Variants in FMN1 observed in about 807,000 individuals in gnomAD.
FMN1 encodes the protein formin-1.
Under a neutral mutation model 132.4 loss-of-function variants are expected in FMN1, and 110 were observed. The observed-to-expected ratio is 0.83, with a 90% CI of 0.71 to 0.97. The LOEUF (loss-of-function observed/expected upper bound fraction) is 0.97. Among genes scored for constraint, FMN1 ranks in the 50% least tolerant of loss-of-function variants. The probability of loss-of-function intolerance (pLI) is 0.00; values close to 1 mark genes in which losing one functional copy is unlikely to be tolerated. For missense variants in FMN1, 1,792 were observed against 1,705.3 expected, an observed-to-expected ratio of 1.05 and a Z score of -0.90; for synonymous variants, 722 against 651.7, an observed-to-expected ratio of 1.11 and a Z score of -1.64.
chr15:33,060,032 T>C (rs2037413850), intron 6 of FMN1, among the ~76,000 whole-genome samples: 1 of 152,224 alleles, frequency 6.6e-6, no homozygotes, highest in Non-Finnish European at 1.5e-5. Context: ...ACCTCTAGTT[T>C]CCCAGTAAAC....
intron 6 of FMN1, chr15:33,012,224 A>G (rs1008849848): frequency 3.0e-6 from 2 of 665,048 alleles, no homozygotes; most frequent in African/African-American, 3.6e-5. Flanking sequence ...AATCATTTTG[A>G]GCAATGGGGA....
intron 4 of FMN1, among the ~76,000 whole-genome samples, chr15:33,097,345 G>T (rs530388581): frequency 1.3e-5 from 2 of 150,036 alleles, no homozygotes; most frequent in Non-Finnish European, 3.0e-5. Flanking sequence ...GGGCTAAAAG[G>T]AGCAGAAAAA....
intron 6 of FMN1, among the ~76,000 whole-genome samples, chr15:33,014,540 A>G (rs2034926365): frequency 6.6e-6 from 1 of 152,228 alleles, no homozygotes; most frequent in Non-Finnish European, 1.5e-5. Flanking sequence ...CTATTCCACA[A>G]GAAACAAGTC....
At chr15:32,859,545 T>C (rs80070525) in intron 16 of FMN1, among the ~76,000 whole-genome samples, 2,267 of 152,340 alleles carry the variant, frequency 0.015, 46 homozygotes, top group East Asian at 0.064. Context: ...GATGCCAACA[T>C]TGCCACAAAG....
intron 16 of FMN1, among the ~76,000 whole-genome samples, chr15:32,867,566 T>C (rs1473503095): frequency 6.6e-6 from 1 of 150,654 alleles, no homozygotes; most frequent in African/African-American, 2.5e-5. Context: ...TGCAGTCGTG[T>C]GATCTCCTCG....
intron 4 of FMN1, among the ~76,000 whole-genome samples, chr15:33,095,851 G>A (rs2039064733): frequency 6.6e-6 from 1 of 152,046 alleles, no homozygotes; most frequent in African/African-American, 2.4e-5. Context: ...TGTCTTAATA[G>A]CTAAGGAAGT....
chr15:33,027,513 A>C (rs1310972694), intron 6 of FMN1, among the ~76,000 whole-genome samples: 2 of 152,208 alleles, frequency 1.3e-5, no homozygotes, highest in African/African-American at 4.8e-5. Context: ...CACAGGTGGA[A>C]ACAGAGCCAA....
intron 9 of FMN1, among the ~76,000 whole-genome samples, chr15:32,950,062 T>TATATACACATATATATATATACAC: frequency 1.3e-5 from 1 of 79,688 alleles, no homozygotes; most frequent in Admixed American, 1.5e-4. Flanking sequence ...CACATATATA[T>TATATACACATATATATATATACAC]ATATATATAT....
At position 32,878,658 on chromosome 15, in the gene FMN1, T is replaced by C. The variant is rs75267526; in HGVS notation, c.3835+9514A>G. On this transcript the variant is annotated intron_variant, in intron 16 of 20. Transcript: ENST00000616417. ...CCAGTAAATCCTCTTAAACAATCAG[T>C]GGAGCAGGTAGCCTTACACTCATTT... Among the ~76,000 whole-genome samples, 10 of 152,258 alleles carry C rather than the reference T, an allele frequency of 6.6e-5. 1 individual carries two copies. In the East Asian group the frequency reaches 9.6e-4, roughly 15 times the overall value.
chr15:33,059,600 A>G (rs2037390716), intron 6 of FMN1, among the ~76,000 whole-genome samples: 1 of 152,192 alleles, frequency 6.6e-6, no homozygotes. Context: ...TTAATCCATC[A>G]CTCTTCAATT....
chr15:33,068,934 T>C (rs1412926449), intron 5 of FMN1, among the ~76,000 whole-genome samples: 3 of 152,198 alleles, frequency 2.0e-5, no homozygotes, highest in African/African-American at 4.8e-5. Flanking sequence ...CTGGCTGCCT[T>C]AGAAATCCTG....
At chr15:32,846,070 C>G (rs1424568604) in intron 17 of FMN1, among the ~76,000 whole-genome samples, 1 of 152,146 alleles carries the variant, frequency 6.6e-6, no homozygotes, top group East Asian at 1.9e-4. Context: ...GCACAAAGCT[C>G]TCTCACTACA....
At chr15:33,155,127 A>G (rs906906605) in intron 3 of FMN1, 82 bp from the exon 4 acceptor site, 1 of 507,242 alleles carries the variant, frequency 2.0e-6, no homozygotes, top group Non-Finnish European at 3.5e-6. Context: ...AAGCATAACC[A>G]TGACTTATCC....
intron 15 of FMN1, among the ~76,000 whole-genome samples, chr15:32,897,923 A>C (rs2060198955): frequency 6.6e-6 from 1 of 152,224 alleles, no homozygotes; most frequent in East Asian, 1.9e-4. Flanking sequence ...TCATGCCTTA[A>C]TAGCCAAAAA....
At chr15:32,902,964 C>T (rs906832312) in intron 12 of FMN1, among the ~76,000 whole-genome samples, 2 of 152,192 alleles carry the variant, frequency 1.3e-5, no homozygotes, top group African/African-American at 4.8e-5. Context: ...CAACTCATAA[C>T]GTCATTACCA....
intron 5 of FMN1, chr15:33,067,940 T>C (rs2037824810): frequency 6.5e-7 from 1 of 1,544,582 alleles, no homozygotes; most frequent in Non-Finnish European, 8.7e-7. Flanking sequence ...TCCTGCGCTC[T>C]CAGTTTATCC....
At chr15:33,092,862 A>C (rs1279710985) in intron 4 of FMN1, among the ~76,000 whole-genome samples, 1 of 152,220 alleles carries the variant, frequency 6.6e-6, no homozygotes, top group African/African-American at 2.4e-5. Flanking sequence ...TGTACTGAAA[A>C]AAATTATTCA....
intron 6 of FMN1, among the ~76,000 whole-genome samples, chr15:33,034,244 G>T (rs1465568346): frequency 6.6e-6 from 1 of 151,998 alleles, no homozygotes; most frequent in Admixed American, 6.6e-5. Flanking sequence ...CCCTAAACAT[G>T]CTCCACCCAC....
At chr15:32,888,682 C>T (rs141950137) in intron 15 of FMN1, among the ~76,000 whole-genome samples, 87 of 152,284 alleles carry the variant, frequency 5.7e-4, no homozygotes, top group African/African-American at 1.9e-3. Flanking sequence ...GACAAGTCAT[C>T]TTTGGGGCAT....
Sources: allele counts gnomAD v4.1 joint callset (sites outside exome capture counted in the v4.1 genomes callset), GRCh38; gene constraint gnomAD v4.1.1; transcripts MANE v1.5; gene names NCBI Gene and HGNC (gene_info 2026-07-23, HGNC 2026-07-21).